Variants in CADPS observed in about 807,000 individuals in gnomAD.
CADPS encodes the protein calcium dependent secretion activator, also known as calcium-dependent secretion activator 1.
CADPS carries 57 observed loss-of-function variants against 167.3 expected under a neutral mutation model. That is an observed-to-expected ratio of 0.34 (90% CI 0.28 to 0.42). The LOEUF (loss-of-function observed/expected upper bound fraction) is 0.42, where lower values mean the gene tolerates loss of function less well. CADPS is among the 20% of genes least tolerant of loss of function. The pLI, the probability that CADPS is intolerant of heterozygous loss-of-function variation, is 1.00. For synonymous variants in CADPS, 676 were observed against 635.3 expected (o/e 1.06, Z -0.96); for missense variants, 1,414 against 1,738.1 (o/e 0.81, Z 3.32).
intron 1 of CADPS, among the ~76,000 whole-genome samples, chr3:62,794,344 G>A (rs528313278): frequency 1.7e-4 from 26 of 152,256 alleles, no homozygotes; most frequent in African/African-American, 5.8e-4. Flanking sequence ...GCTCCTTTAA[G>A]CACTTTTTGT....
intron 6 of CADPS, among the ~76,000 whole-genome samples, chr3:62,621,963 C>T (rs1578999002): frequency 6.6e-6 from 1 of 151,040 alleles, no homozygotes; most frequent in Non-Finnish European, 1.5e-5. Flanking sequence ...AGTAATGGCT[C>T]TTCACTTCCT....
chr3:62,479,475 G>T (rs1383677996), intron 22 of CADPS, among the ~76,000 whole-genome samples: 1 of 152,144 alleles, frequency 6.6e-6, no homozygotes, highest in Non-Finnish European at 1.5e-5. Flanking sequence ...GATGAGAGTG[G>T]GTGTTTCTAT....
intron 17 of CADPS, among the ~76,000 whole-genome samples, chr3:62,508,424 G>C (rs2067085320): frequency 1.3e-5 from 2 of 152,144 alleles, no homozygotes. Context: ...TGGGGACTTT[G>C]GAATTAAACA....
chr3:62,490,861 T>A (rs2063572330), intron 21 of CADPS, among the ~76,000 whole-genome samples: 1 of 152,226 alleles, frequency 6.6e-6, no homozygotes, highest in Admixed American at 6.5e-5. Context: ...TGTCTATGAC[T>A]GCTTTCATGC....
chr3:62,846,122 C>G (rs1223386179), intron 1 of CADPS, among the ~76,000 whole-genome samples: 1 of 151,874 alleles, frequency 6.6e-6, no homozygotes, highest in East Asian at 1.9e-4. Context: ...CCCATTCTCC[C>G]TTCTACCATG....
At chr3:62,451,905 T>C (rs897927327) in intron 26 of CADPS, among the ~76,000 whole-genome samples, 7 of 152,208 alleles carry the variant, frequency 4.6e-5, no homozygotes, top group African/African-American at 1.7e-4. Context: ...GTAAAAATGT[T>C]ACTCAGTGCC....
chr3:62,652,093 A>G (rs1026477781), intron 4 of CADPS, among the ~76,000 whole-genome samples: 1 of 152,110 alleles, frequency 6.6e-6, no homozygotes. Context: ...TGGCTCCCCT[A>G]TCTTCACAGA....
chr3:62,854,733 G>A (rs778881438), intron 1 of CADPS, among the ~76,000 whole-genome samples: 4 of 152,120 alleles, frequency 2.6e-5, no homozygotes, highest in Non-Finnish European at 5.9e-5. Flanking sequence ...TCTACATTGA[G>A]CCTGAAAAAT....
intron 21 of CADPS, among the ~76,000 whole-genome samples, chr3:62,486,348 G>A (rs1315354123): frequency 1.3e-5 from 2 of 151,194 alleles, no homozygotes; most frequent in East Asian, 1.9e-4. Flanking sequence ...GGGAGGCTGA[G>A]GCAGGAGAAT....
intron 1 of CADPS, among the ~76,000 whole-genome samples, chr3:62,833,702 G>T (rs1365277841): frequency 2.0e-5 from 3 of 151,952 alleles, no homozygotes; most frequent in Non-Finnish European, 4.4e-5. Context: ...TCCTCCATTA[G>T]GGGGCATGAG....
chr3:62,481,414 G>A (rs2061997281), intron 22 of CADPS, among the ~76,000 whole-genome samples: 1 of 152,204 alleles, frequency 6.6e-6, no homozygotes, highest in Non-Finnish European at 1.5e-5. Flanking sequence ...ATTTTTGGAT[G>A]TCTAGCTCCT....
chr3:62,497,111 T>C (rs2064935789), intron 18 of CADPS, among the ~76,000 whole-genome samples: 2 of 152,204 alleles, frequency 1.3e-5, no homozygotes, highest in Non-Finnish European at 2.9e-5. Flanking sequence ...GGATAAGGAT[T>C]AACACAGCGA....
intron 11 of CADPS, among the ~76,000 whole-genome samples, chr3:62,541,702 C>T (rs1327250257): frequency 2.0e-5 from 3 of 152,064 alleles, no homozygotes; most frequent in African/African-American, 7.2e-5. Context: ...TATTAAAATT[C>T]AAGTGGTATG....
intron 13 of CADPS, among the ~76,000 whole-genome samples, chr3:62,518,769 C>A (rs2069639354): frequency 6.6e-6 from 1 of 152,190 alleles, no homozygotes; most frequent in Non-Finnish European, 1.5e-5. Context: ...CTGAATTATG[C>A]ACAAAAATTC....
intron 18 of CADPS, among the ~76,000 whole-genome samples, chr3:62,495,432 G>A (rs1438764010): frequency 6.6e-6 from 1 of 152,330 alleles, no homozygotes; most frequent in South Asian, 2.1e-4. Flanking sequence ...TTTTATGCTT[G>A]CTCATACAGG....
At chr3:62,770,031 C>A (rs2088169246) in intron 1 of CADPS, among the ~76,000 whole-genome samples, 1 of 152,156 alleles carries the variant, frequency 6.6e-6, no homozygotes, top group Non-Finnish European at 1.5e-5. Flanking sequence ...CATGACGTAC[C>A]CTGACTTTGA....
At position 62,492,403 on chromosome 3, in the gene CADPS, G is replaced by A. The variant is rs746760146; in HGVS notation, c.2771C>T (p.Thr924Met). Residue 924 changes from threonine (T) to methionine (M), a missense_variant, in exon 20 of 30, where the codon ACG (threonine) becomes ATG (methionine). By Grantham distance (81) the Thr-to-Met change is moderately conservative. Coordinates refer to ENST00000383710, the MANE Select transcript of CADPS (RefSeq NM_003716.4). Reference sequence around the variant, plus strand: ...GTCTACTGCAAAGAGTGACAGGAACGTCTCCGCATGCTCCACCATTAAATC... The same window carrying A: ...GTCTACTGCAAAGAGTGACAGGAACATCTCCGCATGCTCCACCATTAAATC... Reference protein sequence around the residue: ...WSDLMVEHAETFLSLFAVDMD... With the variant: ...WSDLMVEHAEMFLSLFAVDMD... 56 of 1,613,960 alleles carry A rather than the reference G, an allele frequency of 3.5e-5. No homozygotes were observed. Among genetic ancestry groups the A allele is most frequent in the Admixed American group, 3.0e-4 (18 of 60,014 alleles).
At chr3:62,631,600 T>C (rs1362467131) in intron 6 of CADPS, among the ~76,000 whole-genome samples, 1 of 152,198 alleles carries the variant, frequency 6.6e-6, no homozygotes, top group Non-Finnish European at 1.5e-5. Flanking sequence ...GCTTGCTTAG[T>C]TACATGAAGT....
intron 19 of CADPS, among the ~76,000 whole-genome samples, chr3:62,492,702 G>A (rs2063954341): frequency 6.6e-6 from 1 of 152,196 alleles, no homozygotes; most frequent in Non-Finnish European, 1.5e-5. Flanking sequence ...CAGTAGAAAT[G>A]ACAGACGTGG....
Sources: allele counts gnomAD v4.1 joint callset (sites outside exome capture counted in the v4.1 genomes callset), GRCh38; gene constraint gnomAD v4.1.1; transcripts MANE v1.5; gene names NCBI Gene and HGNC (gene_info 2026-07-23, HGNC 2026-07-21).